Variants in NBEAL1 observed in about 807,000 individuals in gnomAD.
NBEAL1 encodes the protein neurobeachin-like protein 1.
Under a neutral mutation model 351.3 loss-of-function variants are expected in NBEAL1, and 273 were observed. That is an observed-to-expected ratio of 0.78 (90% CI 0.70 to 0.86). The LOEUF is 0.86. NBEAL1 is among the 40% of genes least tolerant of loss of function. NBEAL1 has a pLI of 0.00. For missense variants in NBEAL1, 2,961 were observed against 3,201.3 expected, an observed-to-expected ratio of 0.92 and a Z score of 1.81; for synonymous variants, 1,050 against 1,086.4, an observed-to-expected ratio of 0.97 and a Z score of 0.66.
intron 10 of NBEAL1, among the ~76,000 whole-genome samples, chr2:203,086,490 A>C (rs1319973414): frequency 6.6e-6 from 1 of 152,094 alleles, no homozygotes; most frequent in East Asian, 1.9e-4. Flanking sequence ...AAAATTTTCA[A>C]ATTTGCCACA....
intron 44 of NBEAL1, among the ~76,000 whole-genome samples, chr2:203,183,813 C>CCTGT (rs2064805865): frequency 6.6e-6 from 1 of 152,052 alleles, no homozygotes; most frequent in African/African-American, 2.4e-5. Context: ...GTGGCTCACA[C>CCTGT]CTGTAATCCT....
intron 45 of NBEAL1, 86 bp from the exon 46 acceptor site, chr2:203,190,206 A>C (rs1409473699): frequency 1.6e-6 from 1 of 613,016 alleles, no homozygotes; most frequent in Non-Finnish European, 2.9e-6. Flanking sequence ...ACACACACAC[A>C]CACCAATGAG....
rs1043507970 is a variant in NBEAL1 at position 203,222,315 on chromosome 2, T to C, written c.*4961T>C. ...TATGTAGGCACTGCTTTGGACTTCA[T>C]GAATCTCTTTGCTTGATATTCTTGG... On this transcript the variant is annotated 3_prime_UTR_variant, in exon 56 of 56. Transcript: ENST00000683969. 6.6e-6 allele frequency among the ~76,000 whole-genome samples: 1 copy of C among 152,246 alleles called. No homozygotes were observed.
intron 35 of NBEAL1, 131 bp from the exon 36 acceptor site, chr2:203,157,568 A>G (rs2063828767): frequency 1.8e-6 from 1 of 544,634 alleles, no homozygotes; most frequent in East Asian, 3.5e-5. Flanking sequence ...AAATCAAAGT[A>G]CCGTCTTTAC....
At chr2:203,204,761 A>G (rs1387729788) in intron 51 of NBEAL1, among the ~76,000 whole-genome samples, 1 of 151,894 alleles carries the variant, frequency 6.6e-6, no homozygotes, top group African/African-American at 2.4e-5. Flanking sequence ...TTTTATTACT[A>G]TTTTTAGTGG....
In NBEAL1 at chr2:203,049,801, C is replaced by G; in HGVS notation, c.144-13C>G. The G allele has an allele frequency of 6.7e-7, 1 of 1,494,222 alleles. No homozygotes were observed. Among genetic ancestry groups the G allele is most frequent in the African/African-American group, 1.4e-5 (1 of 70,574 alleles). 92.6% of individuals were successfully genotyped at this position (1,494,222 alleles called of 1,614,324 possible). On this transcript the variant is annotated splice_polypyrimidine_tract_variant and intron_variant, in intron 3 of 55. Transcript: ENST00000683969. Reference sequence around the variant, plus strand: ...TTCAACAGGCTTCTTATTTTTTTCCCTTTCTGTTGTAGGGTAGATGATATG... The same window carrying G: ...TTCAACAGGCTTCTTATTTTTTTCCGTTTCTGTTGTAGGGTAGATGATATG...
chr2:203,173,664 CT>C (rs2064393001), intron 41 of NBEAL1, among the ~76,000 whole-genome samples: 1 of 151,704 alleles, frequency 6.6e-6, no homozygotes, highest in African/African-American at 2.4e-5. Context: ...ATTAGTCAAA[CT>C]TTTTTTTCTG....
At chr2:203,054,208 T>C (rs954187751) in intron 4 of NBEAL1, among the ~76,000 whole-genome samples, 1 of 152,112 alleles carries the variant, frequency 6.6e-6, no homozygotes, top group Non-Finnish European at 1.5e-5. Flanking sequence ...AGTGGATCAC[T>C]TGAGGTCAGG....
chr2:203,110,518 A>G (rs1448634454), intron 15 of NBEAL1, among the ~76,000 whole-genome samples: 1 of 151,688 alleles, frequency 6.6e-6, no homozygotes, highest in East Asian at 2.0e-4. Flanking sequence ...ACTGAAAAAT[A>G]CAAAAATTAC....
intron 2 of NBEAL1, among the ~76,000 whole-genome samples, chr2:203,036,842 G>A (rs374968936): frequency 6.7e-6 from 1 of 149,118 alleles, no homozygotes; most frequent in African/African-American, 2.4e-5. Context: ...GAAGAGAAAT[G>A]CATTAATTCT....
At chr2:203,032,613 T>G (rs2060967527) in intron 2 of NBEAL1, among the ~76,000 whole-genome samples, 1 of 145,202 alleles carries the variant, frequency 6.9e-6, no homozygotes, top group Non-Finnish European at 1.5e-5. Flanking sequence ...TGAGCTGAGA[T>G]CGTGCATAAG....
chr2:203,050,904 C>T (rs551472069), intron 4 of NBEAL1, among the ~76,000 whole-genome samples: 2 of 152,152 alleles, frequency 1.3e-5, no homozygotes, highest in Non-Finnish European at 2.9e-5. Context: ...ATTCAAGAAC[C>T]ATTGGTTTAT....
At chr2:203,066,323 C>CTTT (rs35459326) in intron 6 of NBEAL1, among the ~76,000 whole-genome samples, 1 of 139,982 alleles carries the variant, frequency 7.1e-6, no homozygotes, top group Non-Finnish European at 1.5e-5. Context: ...AAATTTTATC[C>CTTT]TTTTTTTTTT....
chr2:203,188,214 T>C (rs1453022831), intron 44 of NBEAL1, among the ~76,000 whole-genome samples: 1 of 152,174 alleles, frequency 6.6e-6, no homozygotes, highest in Admixed American at 6.5e-5. Context: ...TATAAGCATA[T>C]TTGTGTTTTA....
chr2:203,051,659 CA>C (rs1344349066), intron 4 of NBEAL1, among the ~76,000 whole-genome samples: 1 of 151,850 alleles, frequency 6.6e-6, no homozygotes, highest in African/African-American at 2.4e-5. Context: ...TTGCTGAAAT[CA>C]AAAATCCTAC....
intron 48 of NBEAL1, among the ~76,000 whole-genome samples, chr2:203,198,977 C>T (rs145485177): frequency 1.3e-5 from 2 of 151,890 alleles, no homozygotes; most frequent in African/African-American, 2.4e-5. Context: ...CACTTAAGCC[C>T]GGGAGTTGGA....
chr2:203,101,775 C>G (rs1057239883), intron 12 of NBEAL1, among the ~76,000 whole-genome samples: 1 of 151,988 alleles, frequency 6.6e-6, no homozygotes, highest in African/African-American at 2.4e-5. Context: ...TTTGTATTTT[C>G]AGTAGAGACA....
chr2:203,077,730 TTTA>T lies in NBEAL1; in HGVS notation c.599-19_599-17del. 4 of 1,179,260 alleles carry T rather than the reference TTTA, an allele frequency of 3.4e-6. No individual in the cohort carries two copies. The highest frequency in any genetic ancestry group is 4.6e-6 in the Non-Finnish European group (4 of 875,202). 73.0% of individuals were successfully genotyped at this position (1,179,260 alleles called of 1,614,324 possible). On this transcript the variant is annotated intron_variant, in intron 7 of 55. Coordinates refer to ENST00000683969, the MANE Select transcript of NBEAL1 (RefSeq NM_001378026.1). ...GTGAAAGACAAATCTTATTTATTTA[TTTA>T]TTTATTTATTATTTACAGAATGTTT... is the stretch of plus-strand genomic sequence containing the variant.
intron 3 of NBEAL1, among the ~76,000 whole-genome samples, chr2:203,046,945 C>T (rs987889630): frequency 3.3e-5 from 5 of 152,206 alleles, no homozygotes; most frequent in South Asian, 2.1e-4. Flanking sequence ...GAGGCCGAGG[C>T]GGGCAGATCA....
Sources: gnomAD v4.1 joint callset for allele counts (sites outside exome capture counted in the v4.1 genomes callset) on GRCh38, gnomAD v4.1.1 for gene constraint, MANE v1.5 for transcripts, NCBI Gene and HGNC (gene_info 2026-07-23, HGNC 2026-07-21) for gene names.